The following CNBD1 variants were observed in gnomAD, a reference collection of about 807,000 sequenced individuals.
The protein encoded by CNBD1 is cyclic nucleotide-binding domain-containing protein 1.
A neutral mutation model predicts 54.4 loss-of-function variants in CNBD1; 71 were observed. The observed-to-expected ratio is 1.30, with a 90% CI of 1.08 to 1.59. The LOEUF is 1.59. Ranked by LOEUF, CNBD1 falls within the 40% of genes most tolerant of loss-of-function variation. CNBD1 has a pLI of 0.00. For missense variants in CNBD1, 659 were observed against 518.0 expected (o/e 1.27, Z -2.64); for synonymous variants, 182 against 170.7 (o/e 1.07, Z -0.51).
At chr8:86,936,255 T>C (rs895221318) in intron 3 of CNBD1, among the ~76,000 whole-genome samples, 8 of 152,176 alleles carry the variant, frequency 5.3e-5, no homozygotes, top group Admixed American at 5.2e-4. Context: ...GTAATATAGC[T>C]TATTACTAAA....
intron 4 of CNBD1, among the ~76,000 whole-genome samples, chr8:87,139,708 C>T (rs16892257): frequency 0.024 from 3,634 of 152,002 alleles, 151 homozygotes; most frequent in African/African-American, 0.08. Flanking sequence ...GCCGAAGGAC[C>T]GGAAGAAATG....
At chr8:86,925,137 A>G (rs981045457) in intron 3 of CNBD1, among the ~76,000 whole-genome samples, 1 of 152,190 alleles carries the variant, frequency 6.6e-6, no homozygotes. Flanking sequence ...GGACTCCTCA[A>G]TTTTAACCTT....
At chr8:87,343,516 C>T (rs965169568) in intron 8 of CNBD1, among the ~76,000 whole-genome samples, 7 of 152,120 alleles carry the variant, frequency 4.6e-5, no homozygotes, top group South Asian at 2.1e-4. Flanking sequence ...CCTGACTTCC[C>T]GCAACAAAAA....
intron 4 of CNBD1, among the ~76,000 whole-genome samples, chr8:87,187,805 A>G (rs1319640468): frequency 6.6e-6 from 1 of 152,184 alleles, no homozygotes; most frequent in African/African-American, 2.4e-5. Flanking sequence ...AACTGATTTC[A>G]GCACATTGGT....
chr8:87,337,442 G>T (rs941384126), intron 8 of CNBD1, among the ~76,000 whole-genome samples: 1 of 152,142 alleles, frequency 6.6e-6, no homozygotes, highest in Non-Finnish European at 1.5e-5. Flanking sequence ...CCACAGTGTT[G>T]GCTGCCACCC....
chr8:87,331,925 A>T (rs142479492), intron 8 of CNBD1, among the ~76,000 whole-genome samples: 1,879 of 152,082 alleles, frequency 0.012, 44 homozygotes, highest in African/African-American at 0.042. Context: ...TTTTTCTTGT[A>T]AATTTGTTTA....
intron 4 of CNBD1, among the ~76,000 whole-genome samples, chr8:86,944,077 A>G (rs1807404166): frequency 2.6e-5 from 4 of 152,218 alleles, no homozygotes; most frequent in Admixed American, 2.6e-4. Flanking sequence ...TTTGACAGGC[A>G]GTTTTACTGA....
At chr8:87,270,380 C>T (rs80193839) in intron 6 of CNBD1, among the ~76,000 whole-genome samples, 2 of 151,950 alleles carry the variant, frequency 1.3e-5, no homozygotes, top group Admixed American at 6.6e-5. Context: ...CATTACTAAT[C>T]ATTAGAGAAA....
intron 4 of CNBD1, among the ~76,000 whole-genome samples, chr8:87,156,562 A>G (rs1321580429): frequency 2.6e-5 from 4 of 152,028 alleles, no homozygotes; most frequent in African/African-American, 4.8e-5. Flanking sequence ...TACTTTAAAA[A>G]TACTTGATAA....
chr8:87,354,109 G>A (rs13277033), intron 10 of CNBD1, among the ~76,000 whole-genome samples: 42,763 of 151,924 alleles, frequency 0.28, 6,730 homozygotes, highest in Middle Eastern at 0.41. Context: ...TGAAGTTGGA[G>A]AACCCAGGGC....
intron 4 of CNBD1, among the ~76,000 whole-genome samples, chr8:86,978,261 A>G (rs1405980333): frequency 6.6e-6 from 1 of 152,136 alleles, no homozygotes; most frequent in African/African-American, 2.4e-5. Flanking sequence ...CAGAAAGCCA[A>G]TTTCTATGTT....
At chr8:87,361,634 A>G (rs10092110) in intron 10 of CNBD1, among the ~76,000 whole-genome samples, 1,649 of 151,378 alleles carry the variant, frequency 0.011, 38 homozygotes, top group African/African-American at 0.037. Flanking sequence ...TTTTGCATAT[A>G]CTTTGCCCCA....
At chr8:87,323,224 G>C (rs1191320361) in intron 8 of CNBD1, among the ~76,000 whole-genome samples, 1 of 114,046 alleles carries the variant, frequency 8.8e-6, no homozygotes, top group Non-Finnish European at 1.9e-5. Context: ...AGTATAGTTT[G>C]AAGTCAGGTA....
chr8:87,048,319 T>G (rs1006168914), intron 4 of CNBD1, among the ~76,000 whole-genome samples: 1 of 152,188 alleles, frequency 6.6e-6, no homozygotes, highest in Admixed American at 6.5e-5. Context: ...AAATCATTGG[T>G]AAGAAAAGGC....
chr8:87,340,411 T>A (rs1195563921), intron 8 of CNBD1, among the ~76,000 whole-genome samples: 1 of 152,186 alleles, frequency 6.6e-6, no homozygotes, highest in Non-Finnish European at 1.5e-5. Flanking sequence ...TTGGGAGGCA[T>A]TGGGCTTCCT....
At chr8:87,024,753 A>G (rs1458302309) in intron 4 of CNBD1, among the ~76,000 whole-genome samples, 1 of 152,156 alleles carries the variant, frequency 6.6e-6, no homozygotes, top group Non-Finnish European at 1.5e-5. Flanking sequence ...TGTTTTAAAG[A>G]CTTCTTCTCC....
At chr8:87,331,598 A>C (rs1218363893) in intron 8 of CNBD1, among the ~76,000 whole-genome samples, 1 of 152,238 alleles carries the variant, frequency 6.6e-6, no homozygotes, top group Non-Finnish European at 1.5e-5. Context: ...TTGCTGGATC[A>C]AATGATATTT....
intron 4 of CNBD1, among the ~76,000 whole-genome samples, chr8:87,148,837 G>T (rs1812542637): frequency 6.6e-6 from 1 of 152,176 alleles, no homozygotes; most frequent in South Asian, 2.1e-4. Flanking sequence ...TAGGTGATAA[G>T]TTATGACTGT....
At chr8:87,214,851 GCC>G (rs1814174935) in intron 5 of CNBD1, among the ~76,000 whole-genome samples, 2 of 152,034 alleles carry the variant, frequency 1.3e-5, no homozygotes, top group African/African-American at 4.8e-5. Flanking sequence ...GGGGGAAACT[GCC>G]CCCATGATTC....
Sources: gnomAD v4.1 joint callset for allele counts (sites outside exome capture counted in the v4.1 genomes callset) on GRCh38, gnomAD v4.1.1 for gene constraint, MANE v1.5 for transcripts, NCBI Gene and HGNC (gene_info 2026-07-23, HGNC 2026-07-21) for gene names.